The following ZFP91 variants were observed in gnomAD, a reference collection of about 807,000 sequenced individuals.
The protein encoded by ZFP91 is E3 ubiquitin-protein ligase ZFP91.
A neutral mutation model predicts 63.5 loss-of-function variants in ZFP91; 7 were observed. The observed-to-expected ratio is 0.11, with a 90% CI of 0.06 to 0.21. The LOEUF is 0.21. ZFP91 is among the 10% of genes least tolerant of loss of function. The pLI, the probability that ZFP91 is intolerant of heterozygous loss-of-function variation, is 1.00. For synonymous variants in ZFP91, 330 were observed against 272.1 expected, an observed-to-expected ratio of 1.21 and a Z score of -2.10; for missense variants, 628 against 736.6, an observed-to-expected ratio of 0.85 and a Z score of 1.71.
At chr11:58,581,535 A>G (rs563727418) in intron 1 of ZFP91, among the ~76,000 whole-genome samples, 1 of 152,272 alleles carries the variant, frequency 6.6e-6, no homozygotes, top group Non-Finnish European at 1.5e-5. Context: ...TAATTTTTGT[A>G]ATTTTAGTAG....
intron 5 of ZFP91, 175 bp from the exon 6 acceptor site, chr11:58,611,429 A>G: frequency 2.5e-6 from 2 of 804,448 alleles, no homozygotes; most frequent in Non-Finnish European, 1.9e-6. Context: ...AGCAACATAT[A>G]CATATATTTG....
chr11:58,603,268 A>C (rs534328617), intron 2 of ZFP91, among the ~76,000 whole-genome samples: 5 of 152,230 alleles, frequency 3.3e-5, no homozygotes, highest in Non-Finnish European at 7.3e-5. Context: ...GAGAGGAAAG[A>C]TATAAATTGA....
chr11:58,583,954 C>T (rs1024415746), intron 1 of ZFP91, among the ~76,000 whole-genome samples: 2 of 151,948 alleles, frequency 1.3e-5, no homozygotes, highest in African/African-American at 4.8e-5. Flanking sequence ...TTCAGAGATA[C>T]TCTGTGGTAT....
intron 6 of ZFP91, 199 bp downstream of exon 6, chr11:58,611,937 CT>C: frequency 1.7e-6 from 1 of 605,590 alleles, no homozygotes; most frequent in Non-Finnish European, 2.8e-6. Flanking sequence ...TTTTTCAGTT[CT>C]ATTGCAAGGA....
In ZFP91 at chr11:58,617,252, A is replaced by G; in HGVS notation, c.1259A>G (p.Lys420Arg). The G allele has an allele frequency of 6.2e-7, 1 of 1,611,886 alleles. No individual in the cohort carries two copies. Among genetic ancestry groups the G allele is most frequent in the Non-Finnish European group, 8.5e-7 (1 of 1,179,268 alleles). Reference sequence around the variant, plus strand: ...AAGGCATCTCTTAATTGGCACATGAAGAAACATGATGCAGACTCCTTCTAC... The same window carrying G: ...AAGGCATCTCTTAATTGGCACATGAGGAAACATGATGCAGACTCCTTCTAC... ...RQKASLNWHM[K>R]KHDADSFYQF... The change falls in exon 11 of 11, where the codon AAG (lysine) becomes AGG (arginine). Residue 420 changes from lysine (K) to arginine (R), a missense_variant. By Grantham distance (26) the Lys-to-Arg change is conservative. This residue lies in a region of ZFP91 where 76 missense variants were observed against 230.9 expected (regional missense o/e 0.33). Coordinates refer to ENST00000316059, the MANE Select transcript of ZFP91 (RefSeq NM_053023.5). The surrounding 1 kb of genome is among the most constrained non-coding windows in gnomAD (Gnocchi z 4.2).
chr11:58,582,101 A>G (rs963913696), intron 1 of ZFP91, among the ~76,000 whole-genome samples: 3 of 152,228 alleles, frequency 2.0e-5, no homozygotes, highest in African/African-American at 7.2e-5. Flanking sequence ...TTGTTTCATC[A>G]GTATCTGGGC....
intron 2 of ZFP91, among the ~76,000 whole-genome samples, chr11:58,607,136 A>G (rs924079875): frequency 6.6e-6 from 1 of 152,160 alleles, no homozygotes. Flanking sequence ...TGTTGAGGAC[A>G]GGAGGTTATG....
At chr11:58,593,151 A>G (rs1228751837) in intron 2 of ZFP91, among the ~76,000 whole-genome samples, 1 of 152,204 alleles carries the variant, frequency 6.6e-6, no homozygotes, top group Non-Finnish European at 1.5e-5. Flanking sequence ...CATCCAAACT[A>G]TATCACACTG....
chr11:58,579,622 T>G lies in ZFP91; in HGVS notation c.341T>G (p.Leu114Arg). ...PVQGKKSPRL[L>R]CIEKVTTDKD... The stretch of plus-strand genomic sequence containing the variant: ...CAGGGCAAGAAGAGTCCGCGACTCC[T>G]GTGAGTAACAGTCTTTCAGGCGGTG... The change falls in exon 1 of 11, where the codon CTA (leucine) becomes CGA (arginine). Residue 114 changes from leucine (L) to arginine (R), a missense_variant and splice_region_variant. This residue lies in a region of ZFP91 where 437 missense variants were observed against 380.3 expected (regional missense o/e 1.15). Coordinates refer to ENST00000316059, the MANE Select transcript of ZFP91 (RefSeq NM_053023.5). The G allele has an allele frequency of 1.3e-6, 2 of 1,562,288 alleles. No individual in the cohort carries two copies. Among genetic ancestry groups the G allele is most frequent in the South Asian group, 1.2e-5 (1 of 86,344 alleles).
intron 2 of ZFP91, among the ~76,000 whole-genome samples, chr11:58,586,043 G>C (rs1225091116): frequency 6.6e-6 from 1 of 151,548 alleles, no homozygotes; most frequent in Non-Finnish European, 1.5e-5. Context: ...TGTCTAGCAA[G>C]TTTTTTGTTC....
intron 6 of ZFP91, 22 bp from the exon 7 acceptor site, chr11:58,612,256 G>C: frequency 1.2e-6 from 2 of 1,612,790 alleles, no homozygotes; most frequent in Non-Finnish European, 8.5e-7. Flanking sequence ...TATGTCTACT[G>C]TTACCCTGTC....
chr11:58,614,225 T>TC lies in ZFP91; in HGVS notation c.988-4_988-3insC. On this transcript the variant is annotated splice_region_variant and splice_polypyrimidine_tract_variant and intron_variant, in intron 8 of 10. Transcript: ENST00000316059. ...TTTCGCCCCTTTCACTTTCTCTGTT[T>TC]TAGCACCACATTAAATACCAGCATT... 6.3e-7 allele frequency: 1 copy of TC among 1,587,866 alleles called. No individual in the cohort carries two copies. The highest frequency in any genetic ancestry group is 8.6e-7 in the Non-Finnish European group (1 of 1,165,530).
Position 58,614,218 on chromosome 11 carries a change from C to A in ZFP91, c.988-11C>A. On this transcript the variant is annotated splice_polypyrimidine_tract_variant and intron_variant, in intron 8 of 10. Coordinates refer to ENST00000316059, the MANE Select transcript of ZFP91 (RefSeq NM_053023.5). ...TTTTTTTTTTCGCCCCTTTCACTTT[C>A]TCTGTTTTAGCACCACATTAAATAC... 1 of 1,511,756 alleles carries A rather than the reference C, an allele frequency of 6.6e-7. No individual in the cohort carries two copies. The highest frequency in any genetic ancestry group is 8.9e-7 in the Non-Finnish European group (1 of 1,121,626). 93.6% of individuals were successfully genotyped at this position (1,511,756 alleles called of 1,614,324 possible).
chr11:58,619,755 A>T lies in ZFP91; in HGVS notation c.*2049A>T, dbSNP rs1590633960. The T allele has an allele frequency of 1.3e-5, 2 of 152,610 alleles. No homozygotes were observed. The highest frequency in any genetic ancestry group is 1.9e-4 in the East Asian group (1 of 5,204). The allele number at this position is 152,610 out of a possible 1,614,324, so 9.5% of individuals were successfully genotyped here. A position where few individuals can be genotyped will look rare whatever the true frequency, so the allele number is the denominator to read the frequency against. On this transcript the variant is annotated 3_prime_UTR_variant, in exon 11 of 11. Transcript: ENST00000316059. ...AGAAAATGGAATAAAGATAGAAGGG[A>T]TGTAGAATATGCTTTCCTGCCAACA...
At chr11:58,583,961 G>A (rs999035917) in intron 1 of ZFP91, among the ~76,000 whole-genome samples, 8 of 151,926 alleles carry the variant, frequency 5.3e-5, no homozygotes, top group Admixed American at 3.3e-4. Flanking sequence ...ATACTCTGTG[G>A]TATCTATATG....
At chr11:58,612,709 C>CA (rs1452898104) in intron 7 of ZFP91, 53 bp from the exon 8 acceptor site, 1 of 1,389,728 alleles carries the variant, frequency 7.2e-7, no homozygotes, top group Admixed American at 2.0e-5. Flanking sequence ...GGCCACTGTG[C>CA]AGAGTACCAC....
chr11:58,620,026 T>A lies in ZFP91; in HGVS notation c.*2320T>A, dbSNP rs1855821382. On this transcript the variant is annotated 3_prime_UTR_variant, in exon 11 of 11. Transcript: ENST00000316059. ...CAAACTGCATTTTTAAAAATCTTTC[T>A]GAGATGGGAGAAAATGTATTCTCCT... is the stretch of plus-strand genomic sequence containing the variant. 1 of 152,198 alleles carries A rather than the reference T, an allele frequency of 6.6e-6. No homozygotes were observed. Among genetic ancestry groups the A allele is most frequent in the Admixed American group, 6.5e-5 (1 of 15,278 alleles). The allele number at this position is 152,198 out of a possible 1,614,324, so 9.4% of individuals were successfully genotyped here. A position where few individuals can be genotyped will look rare whatever the true frequency, so the allele number is the denominator to read the frequency against.
At chr11:58,592,651 G>A (rs1855327329) in intron 2 of ZFP91, among the ~76,000 whole-genome samples, 1 of 152,120 alleles carries the variant, frequency 6.6e-6, no homozygotes, top group South Asian at 2.1e-4. Flanking sequence ...GTTACCGAAC[G>A]CTGGGGGGTT....
Position 58,618,576 on chromosome 11 carries a change from A to ATTTT in ZFP91, c.*879_*882dup. The ATTTT allele has an allele frequency of 1.9e-5, 7 of 362,930 alleles. No individual in the cohort carries two copies. The highest frequency in any genetic ancestry group is 4.2e-5 in the South Asian group (2 of 48,092). The allele number at this position is 362,930 out of a possible 1,614,324, so 22.5% of individuals were successfully genotyped here. On this transcript the variant is annotated 3_prime_UTR_variant, in exon 11 of 11. Coordinates refer to ENST00000316059, the MANE Select transcript of ZFP91 (RefSeq NM_053023.5). Reference sequence around the variant, plus strand: ...TCCTTATTTATTAACAGGAAGTCTGATTTTTTTTTTTTGGAGTCTTTGTTG... The same window carrying ATTTT: ...TCCTTATTTATTAACAGGAAGTCTGATTTTTTTTTTTTTTTTGGAGTCTTTGTTG...
Sources: gnomAD v4.1 joint callset for allele counts (sites outside exome capture counted in the v4.1 genomes callset) on GRCh38, gnomAD v4.1.1 for gene constraint, gnomAD v4.1.1 regional missense constraint, Gnocchi (gnomAD v3.1) non-coding constraint, MANE v1.5 for transcripts, NCBI Gene and HGNC (gene_info 2026-07-23, HGNC 2026-07-21) for gene names.